DAZAP1: variants seen among roughly 807,000 people sequenced by gnomAD.
The protein encoded by DAZAP1 is DAZ-associated protein 1.
A neutral mutation model predicts 60.1 loss-of-function variants in DAZAP1; 6 were observed. The ratio of observed to expected loss-of-function variants is 0.10; its 90% CI spans 0.05 to 0.20. The LOEUF (loss-of-function observed/expected upper bound fraction) is 0.20, where lower values mean the gene tolerates loss of function less well. Ranked by LOEUF, DAZAP1 falls within the 10% of genes least tolerant of loss-of-function variation. The probability of loss-of-function intolerance (pLI) is 1.00; values close to 1 mark genes in which losing one functional copy is unlikely to be tolerated. For synonymous variants in DAZAP1, 235 were observed against 215.9 expected (o/e 1.09, Z -0.78); for missense variants, 366 against 560.4 (o/e 0.65, Z 3.50).
chr19:1,412,370 G>C (rs377650930), intron 1 of DAZAP1, among the ~76,000 whole-genome samples: 162 of 152,326 alleles, frequency 1.1e-3, no homozygotes, highest in Middle Eastern at 3.4e-3. Context: ...TCTGGAAGAA[G>C]AGAAGGGTTC....
At chr19:1,424,118 T>TCATGGC (rs2083238367) in intron 6 of DAZAP1, among the ~76,000 whole-genome samples, 1 of 150,548 alleles carries the variant, frequency 6.6e-6, no homozygotes, top group Non-Finnish European at 1.5e-5. Context: ...TGACTGAAGG[T>TCATGGC]CATGGCCATG....
Position 1,433,861 on chromosome 19 carries a change from C to T in DAZAP1, c.1049-876C>T, listed in dbSNP as rs774226539. On this transcript the variant is annotated intron_variant, in intron 11 of 11. Coordinates refer to ENST00000233078, the MANE Select transcript of DAZAP1 (RefSeq NM_018959.4). The surrounding 1 kb of genome is among the most constrained non-coding windows in gnomAD (Gnocchi z 6.1). ...CGCCTCCTTCTCCAGGGTCCTCCCACCCGCCTGCACCGGGAGGTGGACGTG... is the reference window on the plus strand; with the variant it reads ...CGCCTCCTTCTCCAGGGTCCTCCCATCCGCCTGCACCGGGAGGTGGACGTG... The T allele has an allele frequency of 8.8e-6, 14 of 1,583,636 alleles. No individual in the cohort carries two copies. The highest frequency in any genetic ancestry group is 4.5e-5 in the East Asian group (2 of 44,684).
chr19:1,434,079 G>GC lies in DAZAP1; in HGVS notation c.1049-657dup. The GC allele has an allele frequency of 1.8e-6, 1 of 549,074 alleles. No homozygotes were observed. The highest frequency in any genetic ancestry group is 2.1e-5 in the South Asian group (1 of 47,090). 34.0% of individuals were successfully genotyped at this position (549,074 alleles called of 1,614,324 possible). Reference sequence around the variant, plus strand: ...GTGGGAGGGGCTTCCTGCAAGGTGTGCAGCGGGGTGGGGAGCGGCGTGAGC... The same window carrying GC: ...GTGGGAGGGGCTTCCTGCAAGGTGTGCCAGCGGGGTGGGGAGCGGCGTGAGC... On this transcript the variant is annotated intron_variant, in intron 11 of 11. Transcript: ENST00000233078. This position sits in a 1 kb window ranked among gnomAD's most constrained non-coding sequence, Gnocchi z 8.0.
In DAZAP1 at chr19:1,422,375, G is replaced by A; in HGVS notation, c.442G>A (p.Ala148Thr). ...CACGGAGGTAGTCATGATCTATGAC[G>A]CCGAGAAGCAGAGGCCCCGAGGTAA... Reference protein sequence around the residue: ...VVTEVVMIYDAEKQRPRGFGF... With the variant: ...VVTEVVMIYDTEKQRPRGFGF... The change falls in exon 6 of 12, where the codon GCC (alanine) becomes ACC (threonine). Residue 148 changes from alanine to threonine, a missense_variant. By Grantham distance (58) the Ala-to-Thr change is moderately conservative (BLOSUM62 0). Coordinates refer to ENST00000233078, the MANE Select transcript of DAZAP1 (RefSeq NM_018959.4). This position sits in a 1 kb window ranked among gnomAD's most constrained non-coding sequence, Gnocchi z 4.5. The A allele has an allele frequency of 1.2e-6, 2 of 1,614,080 alleles. No homozygotes were observed. The highest frequency in any genetic ancestry group is 1.7e-6 in the Non-Finnish European group (2 of 1,179,992).
chr19:1,417,253 G>A (rs1265513157), intron 1 of DAZAP1: 1 of 552,006 alleles, frequency 1.8e-6, no homozygotes, highest in Non-Finnish European at 3.2e-6. Context: ...CCACGCATGA[G>A]GTCAGCGTGC....
Position 1,416,602 on chromosome 19 carries a change from A to G in DAZAP1, c.30-898A>G, listed in dbSNP as rs1433950443. On this transcript the variant is annotated intron_variant, in intron 1 of 11. Coordinates refer to ENST00000233078, the MANE Select transcript of DAZAP1 (RefSeq NM_018959.4). This position sits in a 1 kb window ranked among gnomAD's most constrained non-coding sequence, Gnocchi z 4.3. ...ACATGCCCAGTGGGTGCCATGGCTG[A>G]CTCAAGGTGGCACAGTCCCCATTGG... The G allele has an allele frequency of 6.6e-6, 1 of 152,150 alleles. No individual in the cohort carries two copies. Among genetic ancestry groups the G allele is most frequent in the Non-Finnish European group, 1.5e-5 (1 of 68,050 alleles). The allele number at this position is 152,150 out of a possible 1,614,324, so 9.4% of individuals were successfully genotyped here. A position where few individuals can be genotyped will look rare whatever the true frequency, so the allele number is the denominator to read the frequency against.
chr19:1,430,996 C>T (rs951168347), intron 10 of DAZAP1, among the ~76,000 whole-genome samples: 1 of 149,858 alleles, frequency 6.7e-6, no homozygotes, highest in African/African-American at 2.5e-5. Context: ...GCTGGGATTA[C>T]AGGCGTGAGT....
intron 1 of DAZAP1, chr19:1,417,129 T>C: frequency 3.5e-6 from 1 of 282,784 alleles, no homozygotes; most frequent in Non-Finnish European, 6.7e-6. Context: ...TTCTTTTTCC[T>C]GATTATAAAA....
Position 1,417,836 on chromosome 19 carries a change from C to G in DAZAP1, c.70+296C>G, listed in dbSNP as rs143214797. ...GAAGTGCAGAGGGCTGGGGGCTGGC[C>G]AGGCTGTTACTGAGTTCAGAATAGG... On this transcript the variant is annotated intron_variant, in intron 2 of 11. Coordinates refer to ENST00000233078, the MANE Select transcript of DAZAP1 (RefSeq NM_018959.4). 1.8e-4 allele frequency among the ~76,000 whole-genome samples: 27 copies of G among 152,314 alleles called. No homozygotes were observed. The East Asian group carries it at 5.2e-3, about 29-fold the overall frequency.
At chr19:1,419,163 C>T (rs2083074305) in intron 4 of DAZAP1, among the ~76,000 whole-genome samples, 1 of 152,220 alleles carries the variant, frequency 6.6e-6, no homozygotes, top group African/African-American at 2.4e-5. Context: ...GGTTCTCTGA[C>T]CTGCGCCCTG....
At chr19:1,429,804 C>T (rs1373495659) in intron 8 of DAZAP1, among the ~76,000 whole-genome samples, 163 bp from the exon 9 acceptor site, 1 of 152,190 alleles carries the variant, frequency 6.6e-6, no homozygotes, top group Non-Finnish European at 1.5e-5. Context: ...GAGTGCTTCT[C>T]TGCTCAGGGT....
chr19:1,434,204 A>G lies in DAZAP1; in HGVS notation c.1049-533A>G. 4.1e-6 allele frequency: 1 copy of G among 246,502 alleles called. No homozygotes were observed. The highest frequency in any genetic ancestry group is 8.0e-6 in the Non-Finnish European group (1 of 125,526). 15.3% of individuals were successfully genotyped at this position (246,502 alleles called of 1,614,324 possible). A position where few individuals can be genotyped will look rare whatever the true frequency, so the allele number is the denominator to read the frequency against. Reference sequence around the variant, plus strand: ...TGCTGGCCCCTCAGCCAGTGGTGTCACTGGGGCAGTCAGGTTGGGCCCAGA... The same window carrying G: ...TGCTGGCCCCTCAGCCAGTGGTGTCGCTGGGGCAGTCAGGTTGGGCCCAGA... On this transcript the variant is annotated intron_variant, in intron 11 of 11. Coordinates refer to ENST00000233078, the MANE Select transcript of DAZAP1 (RefSeq NM_018959.4). This position sits in a 1 kb window ranked among gnomAD's most constrained non-coding sequence, Gnocchi z 8.0.
intron 1 of DAZAP1, chr19:1,410,044 C>G (rs763640504): frequency 1.3e-5 from 2 of 152,348 alleles, no homozygotes; most frequent in Non-Finnish European, 2.9e-5. Flanking sequence ...CACTTGTGGC[C>G]GTCCAGCTGC....
At chr19:1,414,924 G>C (rs77822141) in intron 1 of DAZAP1, among the ~76,000 whole-genome samples, 1 of 151,258 alleles carries the variant, frequency 6.6e-6, no homozygotes, top group Non-Finnish European at 1.5e-5. Context: ...TGACTCAAAC[G>C]ATCCTTCTGC....
rs1028876194 is a variant in DAZAP1 at position 1,428,574 on chromosome 19, C to G, written c.547-268C>G. ...ACGAAACCCCCGAGGGCTCTGGGCT[C>G]GGTCCTGCTGCCCCGCAGTGGGCGG... On this transcript the variant is annotated intron_variant, in intron 7 of 11. Transcript: ENST00000233078. This position sits in a 1 kb window ranked among gnomAD's most constrained non-coding sequence, Gnocchi z 4.0. The G allele has an allele frequency of 1.3e-5, 5 of 399,600 alleles. No homozygotes were observed. The highest frequency in any genetic ancestry group is 4.2e-5 in the African/African-American group (2 of 47,324). The allele number at this position is 399,600 out of a possible 1,614,324, so 24.8% of individuals were successfully genotyped here. A position where few individuals can be genotyped will look rare whatever the true frequency, so the allele number is the denominator to read the frequency against.
intron 1 of DAZAP1, among the ~76,000 whole-genome samples, chr19:1,408,332 C>T (rs1240078617): frequency 1.3e-5 from 2 of 151,478 alleles, no homozygotes; most frequent in South Asian, 2.1e-4. Flanking sequence ...AGGGAGTCTG[C>T]GGGGAGTCCA....
rs1364253012 is a variant in DAZAP1 at position 1,425,394 on chromosome 19, C to CT, written c.464-483dup. ...ACACATCCACGGTGCACACCCCTGA[C>CT]TAAGATGGCGCATTCCACGCGGGCC... On this transcript the variant is annotated intron_variant, in intron 6 of 11. Transcript: ENST00000233078. This position sits in a 1 kb window ranked among gnomAD's most constrained non-coding sequence, Gnocchi z 5.4. Among the ~76,000 whole-genome samples the CT allele has an allele frequency of 6.6e-6, 1 of 152,222 alleles. No homozygotes were observed. The highest frequency in any genetic ancestry group is 1.9e-4 in the East Asian group (1 of 5,204).
chr19:1,430,254 G>GGGGCCCCC lies in DAZAP1; in HGVS notation c.763_764insGGGCCCCC (p.Ala255GlyfsTer83). ...TGGACCGCCCCCTGCAGGAAGAGGAGCCCCCCCGCCACCCCCACCGTTCAC... is the reference window on the plus strand; with the variant it reads ...TGGACCGCCCCCTGCAGGAAGAGGAGGGGCCCCCCCCCCCCGCCACCCCCACCGTTCAC... On this transcript the variant is annotated frameshift_variant, in exon 10 of 12. Coordinates refer to ENST00000233078, the MANE Select transcript of DAZAP1 (RefSeq NM_018959.4). LOFTEE classifies it high-confidence loss of function. The GGGGCCCCC allele has an allele frequency of 7.7e-7, 1 of 1,295,268 alleles. No individual in the cohort carries two copies. The highest frequency in any genetic ancestry group is 1.1e-6 in the Non-Finnish European group (1 of 924,078). 80.2% of individuals were successfully genotyped at this position (1,295,268 alleles called of 1,614,324 possible). A position where few individuals can be genotyped will look rare whatever the true frequency, so the allele number is the denominator to read the frequency against.
chr19:1,429,136 C>T (rs931622285), intron 8 of DAZAP1, 141 bp downstream of exon 8: 107 of 1,137,084 alleles, frequency 9.4e-5, no homozygotes, highest in Admixed American at 3.5e-4. Flanking sequence ...CTTGAGCCCC[C>T]GCGAGGTGCC....
Sources: allele counts gnomAD v4.1 joint callset (sites outside exome capture counted in the v4.1 genomes callset), GRCh38; gene constraint gnomAD v4.1.1; non-coding constraint Gnocchi (gnomAD v3.1); transcripts MANE v1.5; gene names NCBI Gene and HGNC (gene_info 2026-07-23, HGNC 2026-07-21).